The following CSMD2 variants were observed in gnomAD, a reference collection of about 807,000 sequenced individuals.
The protein encoded by CSMD2 is CUB and sushi domain-containing protein 2.
Under a neutral mutation model 398.5 loss-of-function variants are expected in CSMD2, and 130 were observed. That is an observed-to-expected ratio of 0.33 (90% CI 0.28 to 0.38). The LOEUF (loss-of-function observed/expected upper bound fraction) is 0.38, where lower values mean the gene tolerates loss of function less well. Ranked by LOEUF, CSMD2 falls within the 10% of genes least tolerant of loss-of-function variation. CSMD2 has a pLI of 1.00. For missense variants in CSMD2, 3,829 were observed against 4,764.9 expected, an observed-to-expected ratio of 0.80 and a Z score of 5.78; for synonymous variants, 1,828 against 1,908.5, an observed-to-expected ratio of 0.96 and a Z score of 1.10.
At chr1:33,977,307 C>G (rs114350628) in intron 3 of CSMD2, among the ~76,000 whole-genome samples, 1,798 of 152,054 alleles carry the variant, frequency 0.012, 31 homozygotes, top group African/African-American at 0.042. Context: ...CCTGTGGGAA[C>G]AGGAGATTCA....
intron 3 of CSMD2, among the ~76,000 whole-genome samples, chr1:33,958,688 C>T (rs992853058): frequency 6.6e-6 from 1 of 152,162 alleles, no homozygotes; most frequent in African/African-American, 2.4e-5. Flanking sequence ...ACCATTCTGC[C>T]ACCAATCATG....
intron 44 of CSMD2, among the ~76,000 whole-genome samples, chr1:33,589,702 G>A (rs1379896968): frequency 6.6e-6 from 1 of 152,124 alleles, no homozygotes; most frequent in Non-Finnish European, 1.5e-5. Context: ...TCCACATCCA[G>A]TGCACGGTGA....
chr1:33,982,987 C>T (rs772604219), intron 3 of CSMD2, among the ~76,000 whole-genome samples: 3 of 152,164 alleles, frequency 2.0e-5, no homozygotes, highest in Non-Finnish European at 2.9e-5. Flanking sequence ...GAGGGCAACA[C>T]TTCTAAGAAG....
At chr1:33,877,890 A>AGCT (rs1640952345) in intron 5 of CSMD2, among the ~76,000 whole-genome samples, 1 of 152,114 alleles carries the variant, frequency 6.6e-6, no homozygotes, top group African/African-American at 2.4e-5. Flanking sequence ...TACTGGTACA[A>AGCT]GCTGAGCTTG....
At chr1:33,891,211 A>AAC (rs1641991403) in intron 5 of CSMD2, among the ~76,000 whole-genome samples, 1 of 149,518 alleles carries the variant, frequency 6.7e-6, no homozygotes, top group Non-Finnish European at 1.5e-5. Flanking sequence ...AAGAAAAAAA[A>AAC]AACAACCCCA....
At chr1:33,695,140 A>G (rs1645377653) in intron 24 of CSMD2, among the ~76,000 whole-genome samples, 2 of 152,164 alleles carry the variant, frequency 1.3e-5, no homozygotes, top group African/African-American at 4.8e-5. Context: ...GGCACTGCAG[A>G]GAGAGACAGA....
chr1:33,943,304 T>G (rs1196122598), intron 3 of CSMD2, among the ~76,000 whole-genome samples: 2 of 152,212 alleles, frequency 1.3e-5, no homozygotes, highest in Non-Finnish European at 2.9e-5. Context: ...TTCTGCCTTC[T>G]CTCATCTTGT....
Position 34,158,138 on chromosome 1 carries a change from A to G in CSMD2, c.187+6773T>C, listed in dbSNP as rs1006560044. Among the ~76,000 whole-genome samples the G allele has an allele frequency of 2.2e-4, 33 of 152,158 alleles. 1 individual carries two copies. The highest frequency in any genetic ancestry group is 5.9e-5 in the Non-Finnish European group (4 of 68,038). On this transcript the variant is annotated intron_variant, in intron 1 of 70. Coordinates refer to ENST00000373381, the MANE Select transcript of CSMD2 (RefSeq NM_001281956.2). ...TTTCCTTTGTTTCTCTTAACTTACAAGAGTAAGAAAAGAGCTCTGAGAGCC... is the reference window on the plus strand; with the variant it reads ...TTTCCTTTGTTTCTCTTAACTTACAGGAGTAAGAAAAGAGCTCTGAGAGCC...
chr1:33,933,277 A>AAAT, intron 4 of CSMD2, among the ~76,000 whole-genome samples: 1 of 152,324 alleles, frequency 6.6e-6, no homozygotes, highest in East Asian at 1.9e-4. Context: ...CAGGGCATTG[A>AAAT]GTTCAAGATT....
chr1:33,930,564 C>T (rs914297917), intron 4 of CSMD2, among the ~76,000 whole-genome samples: 1 of 152,210 alleles, frequency 6.6e-6, no homozygotes, highest in Non-Finnish European at 1.5e-5. Flanking sequence ...CCAGCTTTCT[C>T]CCTACCACCT....
chr1:33,917,953 T>C (rs12124122), intron 5 of CSMD2, 141 bp downstream of exon 5: 80,982 of 638,770 alleles, frequency 0.13, 5,433 homozygotes, highest in Middle Eastern at 0.15. Flanking sequence ...TAGGATGAGA[T>C]GAAAGGACTC....
In CSMD2 at chr1:33,549,558, G is replaced by A. The variant is rs112166343; in HGVS notation, c.8917+619C>T. Among the ~76,000 whole-genome samples, 1,508 of 152,304 alleles carry A rather than the reference G, an allele frequency of 9.9e-3. 27 individuals are homozygous for A. The highest frequency in any genetic ancestry group is 0.034 in the African/African-American group (1,410 of 41,546). On this transcript the variant is annotated intron_variant, in intron 56 of 70. Transcript: ENST00000373381. ...ACCTTTGGCAGTTCTCTACATTTGC[G>A]ATTTTGATAGCATCTGTCAGTGTCC...
intron 2 of CSMD2, among the ~76,000 whole-genome samples, chr1:34,042,183 C>T (rs1651922853): frequency 6.6e-6 from 1 of 152,208 alleles, no homozygotes; most frequent in African/African-American, 2.4e-5. Flanking sequence ...GATAGAAAAA[C>T]ATAGAAGACA....
intron 56 of CSMD2, among the ~76,000 whole-genome samples, chr1:33,548,293 G>T (rs1657102387): frequency 6.6e-6 from 1 of 152,222 alleles, no homozygotes; most frequent in Admixed American, 6.5e-5. Flanking sequence ...TACAGTATTG[G>T]AGGCTTCTAG....
intron 32 of CSMD2, among the ~76,000 whole-genome samples, chr1:33,627,459 C>T (rs1642198697): frequency 6.6e-6 from 1 of 152,196 alleles, no homozygotes; most frequent in South Asian, 2.1e-4. Flanking sequence ...CCTCAGGGAC[C>T]CCTGAGAAGC....
intron 3 of CSMD2, among the ~76,000 whole-genome samples, chr1:33,970,207 G>A (rs570400820): frequency 6.6e-6 from 1 of 151,988 alleles, no homozygotes; most frequent in Non-Finnish European, 1.5e-5. Flanking sequence ...ATGAATGAAT[G>A]AATGAATGAG....
intron 29 of CSMD2, among the ~76,000 whole-genome samples, chr1:33,637,888 A>G (rs1642898421): frequency 6.6e-6 from 1 of 152,104 alleles, no homozygotes; most frequent in African/African-American, 2.4e-5. Flanking sequence ...CTCAGGAGGA[A>G]TTTTGCTGAG....
chr1:33,958,090 C>T (rs920084552), intron 3 of CSMD2, among the ~76,000 whole-genome samples: 1 of 152,082 alleles, frequency 6.6e-6, no homozygotes, highest in African/African-American at 2.4e-5. Flanking sequence ...AACAGCAAGG[C>T]GAACTTTGGT....
chr1:33,605,568 A>G, intron 41 of CSMD2, 98 bp from the exon 42 acceptor site: 1 of 1,242,654 alleles, frequency 8.0e-7, no homozygotes, highest in Admixed American at 2.0e-5. Flanking sequence ...TTGGACTCAG[A>G]TGGACCTTTG....
Sources: allele counts gnomAD v4.1 joint callset (sites outside exome capture counted in the v4.1 genomes callset), GRCh38; gene constraint gnomAD v4.1.1; transcripts MANE v1.5; gene names NCBI Gene and HGNC (gene_info 2026-07-23, HGNC 2026-07-21).